The following ADARB1 variants were observed in gnomAD, a reference collection of about 807,000 sequenced individuals.
ADARB1 encodes double-stranded RNA-specific editase 1.
In ADARB1, 10 loss-of-function variants were observed where a neutral mutation model predicts 52.4. The observed-to-expected ratio is 0.19, with a 90% CI of 0.12 to 0.32. The LOEUF is 0.32. Among genes scored for constraint, ADARB1 ranks in the 10% least tolerant of loss-of-function variants. The pLI is 1.00. For missense variants in ADARB1, 643 were observed against 922.3 expected, an observed-to-expected ratio of 0.70 and a Z score of 3.92; for synonymous variants, 349 against 371.1, an observed-to-expected ratio of 0.94 and a Z score of 0.68.
At position 45,220,630 on chromosome 21, in the gene ADARB1, C is replaced by T. The variant is rs949725266; in HGVS notation, c.1748-206C>T. On this transcript the variant is annotated intron_variant, in intron 9 of 10. Coordinates refer to ENST00000348831, the MANE Select transcript of ADARB1 (RefSeq NM_001112.4). This position sits in a 1 kb window ranked among gnomAD's most constrained non-coding sequence, Gnocchi z 6.3. ...GTGGGTCAGTTCTGCTTTCTCAGCA[C>T]TGCTCCTATTCTGGTGGCCGTGGAA... Among the ~76,000 whole-genome samples, 5 of 152,368 alleles carry T rather than the reference C, an allele frequency of 3.3e-5. No homozygotes were observed. In the South Asian group the frequency reaches 8.3e-4, roughly 25 times the overall value.
chr21:45,076,368 T>C (rs2085935909), intron 1 of ADARB1, among the ~76,000 whole-genome samples: 1 of 152,150 alleles, frequency 6.6e-6, no homozygotes, highest in South Asian at 2.1e-4. Context: ...ATCTTGCCTG[T>C]GGTGGAGAGG....
intron 3 of ADARB1, among the ~76,000 whole-genome samples, chr21:45,173,561 T>G (rs890536450): frequency 6.6e-5 from 10 of 152,120 alleles, no homozygotes; most frequent in African/African-American, 2.4e-4. Context: ...TTTGGTTATT[T>G]CAGAGGTTAT....
intron 1 of ADARB1, among the ~76,000 whole-genome samples, chr21:45,098,736 C>G (rs1389488321): frequency 6.6e-6 from 1 of 152,240 alleles, no homozygotes; most frequent in Non-Finnish European, 1.5e-5. Context: ...GAGCTGGAGG[C>G]TGTTCTCTTT....
At chr21:45,108,261 CCCATACACTTTA>C (rs2087349462) in intron 1 of ADARB1, among the ~76,000 whole-genome samples, 2 of 152,132 alleles carry the variant, frequency 1.3e-5, no homozygotes, top group Non-Finnish European at 2.9e-5. Context: ...ATAAACATGG[CCCATACACTTTA>C]CCAAGATACC....
intron 9 of ADARB1, among the ~76,000 whole-genome samples, chr21:45,206,218 C>A (rs1289472404): frequency 6.6e-6 from 1 of 152,204 alleles, no homozygotes; most frequent in Non-Finnish European, 1.5e-5. Flanking sequence ...TGTCACTCAT[C>A]TTTTATATGC....
chr21:45,206,762 C>T (rs531268366), intron 9 of ADARB1, among the ~76,000 whole-genome samples: 4 of 151,798 alleles, frequency 2.6e-5, no homozygotes, highest in African/African-American at 4.8e-5. Flanking sequence ...TTAGTAGAGA[C>T]GGGGTTTCAC....
chr21:45,221,156 C>A lies in ADARB1; in HGVS notation c.1926+142C>A. On this transcript the variant is annotated intron_variant, in intron 10 of 10. Transcript: ENST00000348831. The surrounding 1 kb of genome is among the most constrained non-coding windows in gnomAD (Gnocchi z 4.9). The stretch of plus-strand genomic sequence containing the variant: ...CGATCACTTGGAATGATTCTTCCTT[C>A]AGATTGTTTTAGCTTAGAAGTGTGG... 1 of 1,106,680 alleles carries A rather than the reference C, an allele frequency of 9.0e-7. No individual in the cohort carries two copies. The highest frequency in any genetic ancestry group is 1.3e-6 in the Non-Finnish European group (1 of 793,660). 68.6% of individuals were successfully genotyped at this position (1,106,680 alleles called of 1,614,324 possible). A position where few individuals can be genotyped will look rare whatever the true frequency, so the allele number is the denominator to read the frequency against.
chr21:45,222,261 C>T lies in ADARB1; in HGVS notation c.*64C>T. On this transcript the variant is annotated 3_prime_UTR_variant, in exon 11 of 11. Coordinates refer to ENST00000348831, the MANE Select transcript of ADARB1 (RefSeq NM_001112.4). Reference sequence around the variant, plus strand: ...CATCCAGCGTCATCCTCCAGAACCTCACATCTGAACTGGGGGCAGGTGCAT... The same window carrying T: ...CATCCAGCGTCATCCTCCAGAACCTTACATCTGAACTGGGGGCAGGTGCAT... The T allele has an allele frequency of 6.8e-7, 1 of 1,481,428 alleles. No homozygotes were observed. Among genetic ancestry groups the T allele is most frequent in the South Asian group, 1.4e-5 (1 of 71,134 alleles). 91.8% of individuals were successfully genotyped at this position (1,481,428 alleles called of 1,614,324 possible).
chr21:45,185,304 C>T (rs2092066369), intron 8 of ADARB1, among the ~76,000 whole-genome samples: 1 of 152,266 alleles, frequency 6.6e-6, no homozygotes, highest in African/African-American at 2.4e-5. Flanking sequence ...AGGCTCCACG[C>T]TTCTAACATT....
At chr21:45,116,425 A>G (rs2087829680) in intron 1 of ADARB1, among the ~76,000 whole-genome samples, 1 of 152,260 alleles carries the variant, frequency 6.6e-6, no homozygotes, top group South Asian at 2.1e-4. Context: ...GACTGTGCAG[A>G]CTTTGCAGAA....
rs2088755124 is a variant in ADARB1, at chr21:45,128,804, G to A, written c.-48+231G>A. 6.6e-6 allele frequency among the ~76,000 whole-genome samples: 1 copy of A among 151,998 alleles called. No homozygotes were observed. Among genetic ancestry groups the A allele is most frequent in the Non-Finnish European group, 1.5e-5 (1 of 67,998 alleles). ...GGGTGGTGCCTGCTGCCCTCCAGTG[G>A]CATGTGTGGCACCTGCTGCCCTCCA... On this transcript the variant is annotated intron_variant, in intron 2 of 10. Transcript: ENST00000348831. This position sits in a 1 kb window ranked among gnomAD's most constrained non-coding sequence, Gnocchi z 4.6.
At chr21:45,083,150 G>C (rs1395395618) in intron 1 of ADARB1, among the ~76,000 whole-genome samples, 1 of 152,240 alleles carries the variant, frequency 6.6e-6, no homozygotes, top group African/African-American at 2.4e-5. Flanking sequence ...AATCTGTCCT[G>C]AGGGCTCGGA....
intron 1 of ADARB1, among the ~76,000 whole-genome samples, chr21:45,079,435 G>T (rs554477546): frequency 3.2e-4 from 48 of 152,348 alleles, no homozygotes; most frequent in African/African-American, 1.1e-3. Flanking sequence ...TTGACTTGGC[G>T]TTGGTGCCAG....
At chr21:45,115,145 A>G (rs1172659872) in intron 1 of ADARB1, among the ~76,000 whole-genome samples, 1 of 152,202 alleles carries the variant, frequency 6.6e-6, no homozygotes, top group Admixed American at 6.5e-5. Context: ...AATATTTGAA[A>G]TTAGTCTATT....
rs372441905 is a variant in ADARB1, at chr21:45,222,200, C to T, written c.*3C>T. 1.3e-4 allele frequency: 205 copies of T among 1,554,396 alleles called. No homozygotes were observed. The highest frequency in any genetic ancestry group is 1.7e-4 in the Non-Finnish European group (192 of 1,154,398). On this transcript the variant is annotated 3_prime_UTR_variant, in exon 11 of 11. Coordinates refer to ENST00000348831, the MANE Select transcript of ADARB1 (RefSeq NM_001112.4). ...ACCAGTTCTCACTCACGCCCTGACC[C>T]GGGCAGACATGATGGGGGGTGCAGG...
At position 45,222,931 on chromosome 21, in the gene ADARB1, G is replaced by C; in HGVS notation, c.*734G>C. On this transcript the variant is annotated 3_prime_UTR_variant, in exon 11 of 11. Coordinates refer to ENST00000348831, the MANE Select transcript of ADARB1 (RefSeq NM_001112.4). ...CTGTAGCCCTCAGCCTCCTCTAGAA[G>C]CTTCTGTACTCCTTGTAGGATCAGA... The C allele has an allele frequency of 1.0e-6, 1 of 985,478 alleles. No homozygotes were observed. The highest frequency in any genetic ancestry group is 1.2e-6 in the Non-Finnish European group (1 of 829,952). The allele number at this position is 985,478 out of a possible 1,614,324, so 61.0% of individuals were successfully genotyped here. A position where few individuals can be genotyped will look rare whatever the true frequency, so the allele number is the denominator to read the frequency against.
intron 2 of ADARB1, among the ~76,000 whole-genome samples, chr21:45,141,016 CCT>C (rs2089691957): frequency 2.0e-5 from 3 of 151,866 alleles, no homozygotes; most frequent in South Asian, 4.2e-4. Flanking sequence ...ATGGTGAACC[CCT>C]GTCTGTACAA....
intron 1 of ADARB1, among the ~76,000 whole-genome samples, chr21:45,114,027 G>A (rs1051110081): frequency 5.9e-5 from 9 of 152,160 alleles, no homozygotes; most frequent in African/African-American, 2.2e-4. Context: ...CACATATGTG[G>A]CATTAAGTGT....
intron 1 of ADARB1, among the ~76,000 whole-genome samples, chr21:45,115,424 A>G (rs2032253): frequency 0.028 from 4,199 of 152,358 alleles, 55 homozygotes; most frequent in South Asian, 0.053. Context: ...TTAGCCGGTC[A>G]GGGCGATGTC....
Sources: allele counts gnomAD v4.1 joint callset (sites outside exome capture counted in the v4.1 genomes callset), GRCh38; gene constraint gnomAD v4.1.1; non-coding constraint Gnocchi (gnomAD v3.1); transcripts MANE v1.5; gene names NCBI Gene and HGNC (gene_info 2026-07-23, HGNC 2026-07-21).